The following ITGAE variants were observed in gnomAD, a reference collection of about 807,000 sequenced individuals.
ITGAE encodes the protein integrin alpha-E.
ITGAE carries 99 observed loss-of-function variants against 136.5 expected under a neutral mutation model. That is an observed-to-expected ratio of 0.73 (90% CI 0.62 to 0.86). The LOEUF (loss-of-function observed/expected upper bound fraction) is 0.86, where lower values mean the gene tolerates loss of function less well. Ranked by LOEUF, ITGAE falls within the 40% of genes least tolerant of loss-of-function variation. The pLI, the probability that ITGAE is intolerant of heterozygous loss-of-function variation, is 0.00. For synonymous variants in ITGAE, 613 were observed against 591.8 expected (o/e 1.04, Z -0.52); for missense variants, 1,447 against 1,515.3 (o/e 0.95, Z 0.75).
In ITGAE at chr17:3,751,721, C is replaced by A. The variant is rs185326377; in HGVS notation, c.1822G>T (p.Asp608Tyr). The change falls in exon 15 of 31, where the codon GAT becomes TAT. Residue 608 changes from aspartate to tyrosine, a missense_variant. Physicochemically the swap from Asp to Tyr is radical, Grantham distance 160 (BLOSUM62 -3). This residue lies in a region of ITGAE where 1,031 missense variants were observed against 1,011.4 expected (regional missense o/e 1.02). Coordinates refer to ENST00000263087, the MANE Select transcript of ITGAE (RefSeq NM_002208.5). ...TACACACTGCCGAAGCTGGCACCAT[C>A]ATCTGCCCCAAAACCTTCCAGGGGG... is the stretch of plus-strand genomic sequence containing the variant. ...GAPLEGFGADDGASFGSVYIY... is the reference protein window; with the variant it reads ...GAPLEGFGADYGASFGSVYIY... 6.2e-7 allele frequency: 1 copy of A among 1,613,952 alleles called. No homozygotes were observed. Among genetic ancestry groups the A allele is most frequent in the African/African-American group, 1.3e-5 (1 of 74,900 alleles).
In ITGAE at chr17:3,757,918, G is replaced by A. The variant is rs570986042; in HGVS notation, c.867-59C>T. The A allele has an allele frequency of 9.5e-6, 15 of 1,579,748 alleles. No individual in the cohort carries two copies. The South Asian group carries it at 1.5e-4, about 15-fold the overall frequency. ...TTGCCAGAAGGATGACCGAGCTCCAGGAGAGACTTTATTCTCTGACCTGTA... is the reference window on the plus strand; with the variant it reads ...TTGCCAGAAGGATGACCGAGCTCCAAGAGAGACTTTATTCTCTGACCTGTA... On this transcript the variant is annotated intron_variant, in intron 8 of 30. Coordinates refer to ENST00000263087, the MANE Select transcript of ITGAE (RefSeq NM_002208.5).
intron 20 of ITGAE, among the ~76,000 whole-genome samples, chr17:3,737,050 T>G (rs1375433803): frequency 1.3e-5 from 2 of 151,822 alleles, no homozygotes. Flanking sequence ...TCCCAGCACT[T>G]TGGGAGGTGA....
At chr17:3,740,981 T>C (rs929600568) in intron 19 of ITGAE, among the ~76,000 whole-genome samples, 2 of 152,060 alleles carry the variant, frequency 1.3e-5, no homozygotes, top group Admixed American at 1.3e-4. Flanking sequence ...ACTTTCTACT[T>C]CCTGCGGAAG....
intron 15 of ITGAE, among the ~76,000 whole-genome samples, chr17:3,751,425 A>C (rs537415327): frequency 1.3e-4 from 20 of 151,682 alleles, no homozygotes; most frequent in African/African-American, 4.4e-4. Flanking sequence ...GAAGGGGCCG[A>C]GGTGAAGCCC....
chr17:3,751,386 C>A (rs1198520205), intron 15 of ITGAE, among the ~76,000 whole-genome samples: 1 of 151,648 alleles, frequency 6.6e-6, no homozygotes, highest in Non-Finnish European at 1.5e-5. Context: ...GGGAAGGAGA[C>A]AGGTACCGCC....
chr17:3,734,237 A>AT (rs34963571), intron 21 of ITGAE, among the ~76,000 whole-genome samples: 7 of 151,608 alleles, frequency 4.6e-5, no homozygotes, highest in East Asian at 2.0e-4. Flanking sequence ...CGCCCAGCTA[A>AT]TTTTTTTTTG....
intron 3 of ITGAE, 74 bp downstream of exon 3, chr17:3,763,795 T>G: frequency 1.7e-6 from 2 of 1,203,660 alleles, no homozygotes; most frequent in Non-Finnish European, 2.5e-6. Flanking sequence ...TTGGAATGGT[T>G]TGAGTTTAGA....
chr17:3,776,105 T>G lies in ITGAE; in HGVS notation c.155+1435A>C, dbSNP rs60267852. On this transcript the variant is annotated intron_variant, in intron 2 of 30. Coordinates refer to ENST00000263087, the MANE Select transcript of ITGAE (RefSeq NM_002208.5). ...CGGAGTCTTGCTCTGTCGCCCAGGC[T>G]GTAGTGCAATGGCACGATCTTGGCT... 1.0e-3 allele frequency among the ~76,000 whole-genome samples: 143 copies of G among 142,208 alleles called. 1 individual carries two copies. The highest frequency in any genetic ancestry group is 3.7e-3 in the African/African-American group (138 of 37,212). The allele number at this position is 142,208 out of a possible 152,430, so 93.3% of individuals were successfully genotyped here. A position where few individuals can be genotyped will look rare whatever the true frequency, so the allele number is the denominator to read the frequency against.
intron 2 of ITGAE, among the ~76,000 whole-genome samples, chr17:3,764,281 G>C (rs2052241315): frequency 6.6e-6 from 1 of 152,140 alleles, no homozygotes; most frequent in South Asian, 2.1e-4. Context: ...CACCAGCGTT[G>C]GGGTTGGTTC....
At chr17:3,738,578 C>A (rs1380272467) in intron 20 of ITGAE, among the ~76,000 whole-genome samples, 1 of 152,224 alleles carries the variant, frequency 6.6e-6, no homozygotes, top group Non-Finnish European at 1.5e-5. Context: ...GCGATGGAGA[C>A]AGGCGGTATC....
chr17:3,714,761 C>A lies in ITGAE; in HGVS notation c.*86G>T. On this transcript the variant is annotated 3_prime_UTR_variant, in exon 31 of 31. Transcript: ENST00000263087. ...CCAACAGCTCCATGCTGCTCTAGAT[C>A]ATCCTGAAGGAAAAAGTAATGCAAA... 1 of 749,222 alleles carries A rather than the reference C, an allele frequency of 1.3e-6. No individual in the cohort carries two copies. The highest frequency in any genetic ancestry group is 1.6e-5 in the South Asian group (1 of 63,196). 46.4% of individuals were successfully genotyped at this position (749,222 alleles called of 1,614,324 possible). A position where few individuals can be genotyped will look rare whatever the true frequency, so the allele number is the denominator to read the frequency against.
chr17:3,773,406 G>A (rs932598818), intron 2 of ITGAE, among the ~76,000 whole-genome samples: 5 of 151,956 alleles, frequency 3.3e-5, no homozygotes, highest in South Asian at 2.1e-4. Context: ...CAGGAGAATC[G>A]CTTGAACCCA....
At chr17:3,719,993 T>C (rs571321708) in intron 29 of ITGAE, among the ~76,000 whole-genome samples, 1 of 152,346 alleles carries the variant, frequency 6.6e-6, no homozygotes, top group East Asian at 1.9e-4. Context: ...CCCAAAGTGC[T>C]AGGATTACAG....
intron 1 of ITGAE, among the ~76,000 whole-genome samples, chr17:3,796,193 G>GTGT (rs767439329): frequency 1.3e-5 from 2 of 148,690 alleles, no homozygotes; most frequent in Admixed American, 6.7e-5. Flanking sequence ...GTGTGTGTGT[G>GTGT]GTGGGGTAGT....
In ITGAE at chr17:3,753,368, G is replaced by C; in HGVS notation, c.1590C>G (p.Asp530Glu). 1 of 1,614,190 alleles carries C rather than the reference G, an allele frequency of 6.2e-7. No homozygotes were observed. Among genetic ancestry groups the C allele is most frequent in the Non-Finnish European group, 8.5e-7 (1 of 1,180,036 alleles). ...AAAATGGAGCAGCCACCAGCAAGAA[G>C]TCCGTGCTTCCATCCATGTCAATGT... ...PVDIDMDGSTDFLLVAAPFYH... is the reference protein window; with the variant it reads ...PVDIDMDGSTEFLLVAAPFYH... The change falls in exon 14 of 31, where the codon GAC (aspartate) becomes GAG (glutamate). Residue 530 changes from aspartate (D) to glutamate (E), a missense_variant. Around this residue, in one of 3 missense-constraint regions of ITGAE, gnomAD observed 1,031 missense variants for 1,011.4 expected, o/e 1.02. Coordinates refer to ENST00000263087, the MANE Select transcript of ITGAE (RefSeq NM_002208.5).
At position 3,728,136 on chromosome 17, in the gene ITGAE, C is replaced by A. The variant is rs1567515359; in HGVS notation, c.2945G>T (p.Gly982Val). The change falls in exon 25 of 31, where the codon GGG (glycine) becomes GTG (valine). Residue 982 changes from glycine (G) to valine (V), a missense_variant. Around this residue, in one of 3 missense-constraint regions of ITGAE, gnomAD observed 1,031 missense variants for 1,011.4 expected, o/e 1.02. Coordinates refer to ENST00000263087, the MANE Select transcript of ITGAE (RefSeq NM_002208.5). Reference sequence around the variant, plus strand: ...GAGGAATTCTTTGTGGTGAGAAAGCCCCTGGCCTGTGTTCACGTACATTAT... The same window carrying A: ...GAGGAATTCTTTGTGGTGAGAAAGCACCTGGCCTGTGTTCACGTACATTAT... ...PSIMYVNTGQ[G>V]LSHHKEFLFH... is the part of the protein sequence containing the mutation. The A allele has an allele frequency of 6.2e-7, 1 of 1,613,562 alleles. No individual in the cohort carries two copies. Among genetic ancestry groups the A allele is most frequent in the East Asian group, 2.2e-5 (1 of 44,882 alleles).
intron 16 of ITGAE, among the ~76,000 whole-genome samples, chr17:3,748,608 G>A (rs1265118404): frequency 6.6e-6 from 1 of 152,060 alleles, no homozygotes; most frequent in Non-Finnish European, 1.5e-5. Flanking sequence ...CAAAAATACG[G>A]TAATAAGGAC....
In ITGAE at chr17:3,723,399, C is replaced by A; in HGVS notation, c.3142-16G>T. On this transcript the variant is annotated splice_polypyrimidine_tract_variant and intron_variant, in intron 27 of 30. Coordinates refer to ENST00000263087, the MANE Select transcript of ITGAE (RefSeq NM_002208.5). Reference sequence around the variant, plus strand: ...CTTCCACATGCTGGAAAAGCGAGGTCTAGTGAACACAATTCCTTTCCGTGC... The same window carrying A: ...CTTCCACATGCTGGAAAAGCGAGGTATAGTGAACACAATTCCTTTCCGTGC... 2.6e-6 allele frequency: 4 copies of A among 1,557,372 alleles called. No individual in the cohort carries two copies. Among genetic ancestry groups the A allele is most frequent in the Non-Finnish European group, 3.5e-6 (4 of 1,128,246 alleles).
intron 18 of ITGAE, among the ~76,000 whole-genome samples, chr17:3,743,859 C>T (rs1483549779): frequency 2.4e-4 from 37 of 151,660 alleles, no homozygotes; most frequent in South Asian, 4.2e-4. Flanking sequence ...TGTGCTACCA[C>T]GCCTGGCTAA....
Sources: allele counts gnomAD v4.1 joint callset (sites outside exome capture counted in the v4.1 genomes callset), GRCh38; gene constraint gnomAD v4.1.1; regional missense constraint gnomAD v4.1.1; transcripts MANE v1.5; gene names NCBI Gene and HGNC (gene_info 2026-07-23, HGNC 2026-07-21).